KCNC2: variants seen among roughly 807,000 people sequenced by gnomAD.
KCNC2 encodes voltage-gated potassium channel KCNC2.
Under a neutral mutation model 44.5 loss-of-function variants are expected in KCNC2, and 21 were observed. The ratio of observed to expected loss-of-function variants is 0.47; its 90% confidence interval spans 0.33 to 0.68. The LOEUF (loss-of-function observed/expected upper bound fraction) is 0.68. KCNC2 is among the 30% of genes least tolerant of loss of function. KCNC2 has a pLI of 0.01. For missense variants in KCNC2, 589 were observed against 826.2 expected, an observed-to-expected ratio of 0.71 and a Z score of 3.52; for synonymous variants, 391 against 339.1, an observed-to-expected ratio of 1.15 and a Z score of -1.68.
At chr12:75,152,813 T>C (rs561391472) in intron 2 of KCNC2, among the ~76,000 whole-genome samples, 6 of 151,954 alleles carry the variant, frequency 3.9e-5, no homozygotes, top group Non-Finnish European at 8.8e-5. Context: ...TGCAATAAAT[T>C]ATGACTCAAT....
intron 2 of KCNC2, among the ~76,000 whole-genome samples, chr12:75,138,731 A>G (rs1312934280): frequency 6.6e-6 from 1 of 152,180 alleles, no homozygotes; most frequent in Non-Finnish European, 1.5e-5. Context: ...TTATAATCCC[A>G]GCACTGTGGG....
chr12:75,206,342 A>G (rs1036259874), intron 2 of KCNC2, among the ~76,000 whole-genome samples: 74 of 152,154 alleles, frequency 4.9e-4, no homozygotes, highest in African/African-American at 1.2e-3. Context: ...ATTTTTGGTT[A>G]TTTATATGTC....
chr12:75,122,597 A>T (rs1447988733), intron 2 of KCNC2, among the ~76,000 whole-genome samples: 1 of 152,200 alleles, frequency 6.6e-6, no homozygotes, highest in African/African-American at 2.4e-5. Context: ...AAAGAAAATC[A>T]TGTCAAAGCA....
At chr12:75,067,212 A>G (rs1882920342) in intron 2 of KCNC2, among the ~76,000 whole-genome samples, 1 of 152,138 alleles carries the variant, frequency 6.6e-6, no homozygotes, top group Non-Finnish European at 1.5e-5. Flanking sequence ...AAACAAAAAA[A>G]CAAAAATAAC....
chr12:75,077,415 C>T (rs552684357), intron 2 of KCNC2, among the ~76,000 whole-genome samples: 53 of 152,272 alleles, frequency 3.5e-4, no homozygotes, highest in African/African-American at 1.3e-3. Context: ...AGTAATATAA[C>T]TTCACAGGCT....
chr12:75,106,701 A>T (rs1050727903), intron 2 of KCNC2, among the ~76,000 whole-genome samples: 5 of 152,202 alleles, frequency 3.3e-5, no homozygotes, highest in Non-Finnish European at 7.3e-5. Context: ...ACTCTTATTA[A>T]TAGAGCATCA....
intron 2 of KCNC2, among the ~76,000 whole-genome samples, chr12:75,169,890 A>T (rs1229058320): frequency 6.6e-6 from 1 of 151,702 alleles, no homozygotes; most frequent in Admixed American, 6.6e-5. Flanking sequence ...TGCTGTTGAA[A>T]TCAGAAGATT....
chr12:75,106,252 A>G (rs1458619), intron 2 of KCNC2, among the ~76,000 whole-genome samples: 48,069 of 151,958 alleles, frequency 0.32, 9,463 homozygotes, highest in African/African-American at 0.54. Context: ...ATTGGGAGTT[A>G]GAAACCAGAG....
chr12:75,136,611 A>G (rs1323916909), intron 2 of KCNC2, among the ~76,000 whole-genome samples: 1 of 152,120 alleles, frequency 6.6e-6, no homozygotes, highest in Admixed American at 6.5e-5. Context: ...GCCTCCCAAG[A>G]TGAACCAGGA....
At chr12:75,160,977 G>A (rs1891085672) in intron 2 of KCNC2, among the ~76,000 whole-genome samples, 1 of 151,716 alleles carries the variant, frequency 6.6e-6, no homozygotes, top group Non-Finnish European at 1.5e-5. Context: ...TATACTTAAA[G>A]AGAAACTACA....
chr12:75,190,211 A>G (rs1045682527), intron 2 of KCNC2, among the ~76,000 whole-genome samples: 3 of 152,202 alleles, frequency 2.0e-5, no homozygotes, highest in South Asian at 2.1e-4. Context: ...TGATTGTCCC[A>G]TAACTACCTC....
At chr12:75,161,697 G>A (rs561655272) in intron 2 of KCNC2, among the ~76,000 whole-genome samples, 1 of 151,760 alleles carries the variant, frequency 6.6e-6, no homozygotes, top group African/African-American at 2.4e-5. Flanking sequence ...AATGTCGTCT[G>A]CATACACTGG....
intron 2 of KCNC2, among the ~76,000 whole-genome samples, chr12:75,102,992 GA>G (rs1886495354): frequency 6.6e-6 from 1 of 152,030 alleles, no homozygotes; most frequent in Non-Finnish European, 1.5e-5. Context: ...CACAGTAGGA[GA>G]AAGGACCTGG....
At chr12:75,174,162 T>C (rs1254165597) in intron 2 of KCNC2, among the ~76,000 whole-genome samples, 1 of 151,682 alleles carries the variant, frequency 6.6e-6, no homozygotes, top group Non-Finnish European at 1.5e-5. Context: ...GGCTCCTTAA[T>C]TTACAATCAC....
intron 2 of KCNC2, among the ~76,000 whole-genome samples, chr12:75,190,612 A>G (rs1714991215): frequency 6.6e-6 from 1 of 152,218 alleles, no homozygotes; most frequent in South Asian, 2.1e-4. Context: ...AAGCTAAGAT[A>G]ACTTTCTTAT....
intron 2 of KCNC2, among the ~76,000 whole-genome samples, chr12:75,155,337 G>A (rs1890683292): frequency 6.6e-6 from 1 of 151,762 alleles, no homozygotes; most frequent in African/African-American, 2.4e-5. Context: ...TTAACTTGGA[G>A]TGAAACAAAG....
In KCNC2 at chr12:75,054,330, ATT is replaced by A. The variant is rs200046811; in HGVS notation, c.688-3015_688-3014del. Among the ~76,000 whole-genome samples the A allele has an allele frequency of 5.0e-3, 758 of 152,206 alleles. 5 individuals are homozygous for A. The highest frequency in any genetic ancestry group is 0.017 in the African/African-American group (690 of 41,548). On this transcript the variant is annotated intron_variant, in intron 2 of 4. Transcript: ENST00000549446. ...CTAATCTTAGGATAATAATCTTAGG[ATT>A]CTAAGACAGAACAAAAGTATGCTTG...
At position 75,207,897 on chromosome 12, in the gene KCNC2, C is replaced by A. The variant is rs370822042; in HGVS notation, c.87G>T (p.Leu29=). 2.5e-5 allele frequency: 41 copies of A among 1,612,674 alleles called. No individual in the cohort carries two copies. The highest frequency in any genetic ancestry group is 3.0e-5 in the Non-Finnish European group (35 of 1,179,904). The change falls in exon 2 of 5, where the codon CTG becomes CTT. Residue 29 remains leucine, a synonymous_variant. Transcript: ENST00000549446. This position sits in a 1 kb window ranked among gnomAD's most constrained non-coding sequence, Gnocchi z 4.1. The stretch of plus-strand genomic sequence containing the variant: ...CAAGAAGGGCCAGGCGTGTTCCAGG[C>A]AGGGTCTTGAGGGTGCTGCGGTAGG... ...HETYRSTLKT[L]PGTRLALLAS...
At chr12:75,096,856 A>C (rs2137158505) in intron 2 of KCNC2, among the ~76,000 whole-genome samples, 1 of 152,234 alleles carries the variant, frequency 6.6e-6, no homozygotes, top group East Asian at 1.9e-4. Flanking sequence ...TAAGCACTTA[A>C]GAAATTTCTA....
Sources: gnomAD v4.1 joint callset for allele counts (sites outside exome capture counted in the v4.1 genomes callset) on GRCh38, gnomAD v4.1.1 for gene constraint, Gnocchi (gnomAD v3.1) non-coding constraint, MANE v1.5 for transcripts, NCBI Gene and HGNC (gene_info 2026-07-23, HGNC 2026-07-21) for gene names.